ARID1B: variants seen among roughly 807,000 people sequenced by gnomAD.
The protein encoded by ARID1B is AT-rich interaction domain 1B.
ARID1B carries 30 observed loss-of-function variants against 212.3 expected under a neutral mutation model. That is an observed-to-expected ratio of 0.14 (90% CI 0.11 to 0.19). The LOEUF is 0.19. ARID1B is among the 10% of genes least tolerant of loss of function. The pLI is 1.00. For missense variants in ARID1B, 2,891 were observed against 3,204.0 expected (o/e 0.90, Z 2.36); for synonymous variants, 1,402 against 1,301.7 (o/e 1.08, Z -1.66).
At position 156,778,739 on chromosome 6, in the gene ARID1B, C is replaced by T. The variant is rs1019255872; in HGVS notation, c.1059C>T (p.Ser353=). 4 of 1,485,420 alleles carry T rather than the reference C, an allele frequency of 2.7e-6. No homozygotes were observed. The African/African-American group carries it at 4.3e-5, about 16-fold the overall frequency. 92.0% of individuals were successfully genotyped at this position (1,485,420 alleles called of 1,614,324 possible). The change falls in exon 1 of 20, where the codon TCC becomes TCT. Residue 353 remains serine (S), a synonymous_variant. Transcript: ENST00000636930. The part of the protein sequence containing the change: ...SPGMGMMHSA[S]AAAAGAPGSM... ...GGATGGGGATGATGCACTCCGCCTC[C>T]GCCGCCGCCGCCGGGGCCCCCGGCA...
intron 2 of ARID1B, among the ~76,000 whole-genome samples, chr6:156,879,739 A>G (rs897881536): frequency 4.6e-5 from 7 of 152,108 alleles, no homozygotes; most frequent in African/African-American, 7.2e-5. Flanking sequence ...TGTAAAGTCA[A>G]CTCTTGCTGG....
intron 4 of ARID1B, among the ~76,000 whole-genome samples, chr6:157,061,965 C>T (rs1439006490): frequency 6.6e-6 from 1 of 152,064 alleles, no homozygotes; most frequent in Non-Finnish European, 1.5e-5. Context: ...TAAATTTTTC[C>T]AGCAGCTAAT....
intron 4 of ARID1B, among the ~76,000 whole-genome samples, chr6:156,956,370 T>TA (rs1294481318): frequency 1.3e-5 from 2 of 152,122 alleles, no homozygotes; most frequent in Non-Finnish European, 2.9e-5. Flanking sequence ...GCAGAGCACT[T>TA]ACAAATGAAA....
rs1214970789 is a variant in ARID1B at position 156,829,311 on chromosome 6, A to G, written c.1876A>G (p.Ser626Gly). 6 of 1,614,234 alleles carry G rather than the reference A, an allele frequency of 3.7e-6. No homozygotes were observed. In the East Asian group the frequency reaches 1.3e-4, roughly 36 times the overall value. ...SNPHSQPQQSSPYPGGSYGPP... is the reference protein window; with the variant it reads ...SNPHSQPQQSGPYPGGSYGPP... ...CCCTCATTCTCAGCCTCAGCAGAGC[A>G]GTCCGTACCCAGGAGGTTCCTATGG... The change falls in exon 2 of 20, where the codon AGT (serine) becomes GGT (glycine). Residue 626 changes from serine to glycine, a missense_variant. Physicochemically the swap from Ser to Gly is moderately conservative, Grantham distance 56. Coordinates refer to ENST00000636930, the MANE Select transcript of ARID1B (RefSeq NM_001374828.1).
Position 156,956,513 on chromosome 6 carries a change from A to AG in ARID1B, c.2247+20938dup, listed in dbSNP as rs1793992881. On this transcript the variant is annotated intron_variant, in intron 4 of 19. Coordinates refer to ENST00000636930, the MANE Select transcript of ARID1B (RefSeq NM_001374828.1). Reference sequence around the variant, plus strand: ...GCAGCCCTTTCTGTGGTCAGTCCATAGACCCTCTGCTGGGTCACCATGGAG... The same window carrying AG: ...GCAGCCCTTTCTGTGGTCAGTCCATAGGACCCTCTGCTGGGTCACCATGGAG... 2.0e-5 allele frequency among the ~76,000 whole-genome samples: 3 copies of AG among 152,240 alleles called. No homozygotes were observed. The South Asian group carries it at 6.2e-4, about 32-fold the overall frequency.
intron 4 of ARID1B, among the ~76,000 whole-genome samples, chr6:156,958,409 TACTC>T (rs1794123912): frequency 6.6e-6 from 1 of 152,264 alleles, no homozygotes; most frequent in Non-Finnish European, 1.5e-5. Flanking sequence ...TGCTAGTTCT[TACTC>T]AGTCTATAAA....
rs180963387 is a variant in ARID1B, at chr6:157,127,261, T to C, written c.2582-5767T>C. On this transcript the variant is annotated intron_variant, in intron 6 of 19. Transcript: ENST00000636930. ...AGGCCAAAAAGGTGAAGTCACTGGC[T>C]AGAATCTGCACAGCAGACGTGGAGG... Among the ~76,000 whole-genome samples the C allele has an allele frequency of 3.3e-4, 51 of 152,304 alleles. No homozygotes were observed. In the East Asian group the frequency reaches 4.2e-3, roughly 13 times the overall value.
intron 2 of ARID1B, among the ~76,000 whole-genome samples, chr6:156,883,163 A>G (rs1368070390): frequency 6.6e-5 from 10 of 152,158 alleles, no homozygotes; most frequent in Admixed American, 5.9e-4. Flanking sequence ...CCTGCATCAA[A>G]TCTTCCTCGT....
chr6:156,904,690 A>G (rs576160003), intron 3 of ARID1B, among the ~76,000 whole-genome samples: 4 of 152,236 alleles, frequency 2.6e-5, no homozygotes, highest in Admixed American at 6.5e-5. Flanking sequence ...AATGTCTGAA[A>G]TATGAAATGC....
At chr6:157,119,116 C>G (rs1049567560) in intron 6 of ARID1B, among the ~76,000 whole-genome samples, 1 of 152,136 alleles carries the variant, frequency 6.6e-6, no homozygotes, top group Non-Finnish European at 1.5e-5. Context: ...TTTTCTCCCC[C>G]GTCTGCCCCA....
intron 2 of ARID1B, among the ~76,000 whole-genome samples, chr6:156,843,534 G>C (rs958506246): frequency 2.6e-5 from 4 of 152,136 alleles, no homozygotes; most frequent in Non-Finnish European, 4.4e-5. Context: ...AGGTAGGGAT[G>C]TTTACCCTGG....
intron 8 of ARID1B, among the ~76,000 whole-genome samples, chr6:157,155,218 G>A (rs562974674): frequency 1.7e-4 from 26 of 152,276 alleles, no homozygotes; most frequent in Non-Finnish European, 3.2e-4. Context: ...TTGAGTTTCT[G>A]TCCTTTTCAC....
At chr6:156,893,808 AT>A (rs1459761665) in intron 2 of ARID1B, among the ~76,000 whole-genome samples, 2 of 152,252 alleles carry the variant, frequency 1.3e-5, no homozygotes, top group Non-Finnish European at 2.9e-5. Context: ...TGTCAAGGAT[AT>A]GGAGAAATTG....
intron 2 of ARID1B, among the ~76,000 whole-genome samples, chr6:156,829,924 G>T (rs1783027109): frequency 1.3e-5 from 2 of 152,076 alleles, no homozygotes; most frequent in South Asian, 4.2e-4. Flanking sequence ...TTTTGAAAAA[G>T]GTTTCTGTAT....
chr6:156,888,376 G>A (rs1450582748), intron 2 of ARID1B, among the ~76,000 whole-genome samples: 1 of 152,158 alleles, frequency 6.6e-6, no homozygotes, highest in Admixed American at 6.5e-5. Context: ...TTAGAAACAC[G>A]AACATACTGT....
intron 6 of ARID1B, among the ~76,000 whole-genome samples, chr6:157,132,205 G>C (rs1348707433): frequency 1.3e-5 from 2 of 152,188 alleles, no homozygotes; most frequent in African/African-American, 4.8e-5. Flanking sequence ...TACCATGCAC[G>C]ATCTATGTCG....
intron 4 of ARID1B, among the ~76,000 whole-genome samples, chr6:156,952,590 C>T (rs930136027): frequency 2.3e-4 from 35 of 152,126 alleles, no homozygotes; most frequent in Admixed American, 2.2e-3. Context: ...GGCAGCAGGC[C>T]GGTGAGCAGT....
intron 8 of ARID1B, chr6:157,150,210 C>T (rs1583408080): frequency 6.6e-6 from 1 of 152,086 alleles, no homozygotes; most frequent in African/African-American, 2.4e-5. Flanking sequence ...GCATTTGGCA[C>T]GCAGCCTTTG....
chr6:157,005,247 G>A (rs984989258), intron 4 of ARID1B, among the ~76,000 whole-genome samples: 1 of 151,914 alleles, frequency 6.6e-6, no homozygotes, highest in African/African-American at 2.4e-5. Context: ...TTCACCTCCT[G>A]GGTTCAAGCA....
Sources: allele counts gnomAD v4.1 joint callset (sites outside exome capture counted in the v4.1 genomes callset), GRCh38; gene constraint gnomAD v4.1.1; transcripts MANE v1.5; gene names NCBI Gene and HGNC (gene_info 2026-07-23, HGNC 2026-07-21).